Variants in CYLD observed in about 807,000 individuals in gnomAD.
The protein encoded by CYLD is ubiquitin carboxyl-terminal hydrolase CYLD.
A neutral mutation model predicts 104.5 loss-of-function variants in CYLD; 26 were observed. The ratio of observed to expected loss-of-function variants is 0.25; its 90% CI spans 0.18 to 0.35. The LOEUF (loss-of-function observed/expected upper bound fraction) is 0.35. Among genes scored for constraint, CYLD ranks in the 10% least tolerant of loss-of-function variants. The pLI is 1.00. For synonymous variants in CYLD, 385 were observed against 399.9 expected (o/e 0.96, Z 0.45); for missense variants, 703 against 1,136.1 (o/e 0.62, Z 5.48).
intron 4 of CYLD, among the ~76,000 whole-genome samples, chr16:50,753,684 A>G (rs1252405355): frequency 1.3e-5 from 2 of 152,212 alleles, no homozygotes; most frequent in Admixed American, 6.5e-5. Context: ...TGCCCAGGGC[A>G]GTTGTCTGAC....
chr16:50,755,102 TATACACAC>T (rs1349459490), intron 5 of CYLD, among the ~76,000 whole-genome samples: 11 of 119,156 alleles, frequency 9.2e-5, no homozygotes, highest in African/African-American at 4.2e-4. Flanking sequence ...TACATACATA[TATACACAC>T]ATATACACAT....
At chr16:50,787,882 G>T in intron 14 of CYLD, 30 bp downstream of exon 14, 2 of 1,263,824 alleles carry the variant, frequency 1.6e-6, no homozygotes, top group South Asian at 2.5e-5. Flanking sequence ...AGAAGCATTG[G>T]AAAAATAGAC....
At chr16:50,793,291 A>T (rs1971610669) in intron 16 of CYLD, among the ~76,000 whole-genome samples, 1 of 152,168 alleles carries the variant, frequency 6.6e-6, no homozygotes, top group Non-Finnish European at 1.5e-5. Context: ...TTGAATTTTC[A>T]TCAATGGGTA....
intron 5 of CYLD, among the ~76,000 whole-genome samples, chr16:50,769,008 C>T (rs1305123084): frequency 6.6e-6 from 1 of 152,142 alleles, no homozygotes; most frequent in African/African-American, 2.4e-5. Context: ...TTTCACTCGA[C>T]ATAATTATTT....
intron 5 of CYLD, among the ~76,000 whole-genome samples, chr16:50,765,595 G>A (rs1286554595): frequency 1.3e-5 from 2 of 152,206 alleles, no homozygotes; most frequent in Admixed American, 1.3e-4. Context: ...AGCTTAGTGA[G>A]GAAGGTATGT....
chr16:50,793,095 A>G (rs2151033887), intron 16 of CYLD, among the ~76,000 whole-genome samples: 1 of 150,816 alleles, frequency 6.6e-6, no homozygotes, highest in East Asian at 1.9e-4. Flanking sequence ...ACGTTGATAT[A>G]TTCTACAAAA....
At chr16:50,750,514 A>G (rs1712427266) in intron 3 of CYLD, among the ~76,000 whole-genome samples, 1 of 152,170 alleles carries the variant, frequency 6.6e-6, no homozygotes, top group Non-Finnish European at 1.5e-5. Context: ...CTTAAATGTC[A>G]ATTATATTTT....
chr16:50,768,432 T>C (rs1350550330), intron 5 of CYLD, among the ~76,000 whole-genome samples: 1 of 152,274 alleles, frequency 6.6e-6, no homozygotes, highest in Middle Eastern at 3.4e-3. Context: ...ACAAAATTAA[T>C]ATTTACAGCA....
intron 6 of CYLD, among the ~76,000 whole-genome samples, chr16:50,775,407 G>A (rs911417632): frequency 2.0e-5 from 3 of 152,046 alleles, no homozygotes; most frequent in African/African-American, 7.2e-5. Flanking sequence ...ATATATTATT[G>A]TTGTGTGTCT....
At chr16:50,754,178 A>C in intron 4 of CYLD, 141 bp from the exon 5 acceptor site, 1 of 675,672 alleles carries the variant, frequency 1.5e-6, no homozygotes, top group Non-Finnish European at 2.6e-6. Context: ...AACTATTCCT[A>C]ATGTATTCTT....
chr16:50,750,007 T>C lies in CYLD; in HGVS notation c.309T>C (p.Ile103=). 6.2e-7 allele frequency: 1 copy of C among 1,614,144 alleles called. No homozygotes were observed. The highest frequency in any genetic ancestry group is 8.5e-7 in the Non-Finnish European group (1 of 1,180,006). The part of the protein sequence containing the change: ...NEKFTELLLA[I]TNCEERFSLF... Reference sequence around the variant, plus strand: ...AGTTCACAGAGTTACTTTTGGCAATTACCAATTGTGAGGAGAGGTTCAGCC... The same window carrying C: ...AGTTCACAGAGTTACTTTTGGCAATCACCAATTGTGAGGAGAGGTTCAGCC... Residue 103 remains isoleucine, a synonymous_variant, in exon 3 of 19, where the codon ATT becomes ATC. Coordinates refer to ENST00000427738, the MANE Select transcript of CYLD (RefSeq NM_001378743.1).
At chr16:50,757,382 G>T (rs1967374156) in intron 5 of CYLD, among the ~76,000 whole-genome samples, 1 of 152,078 alleles carries the variant, frequency 6.6e-6, no homozygotes, top group African/African-American at 2.4e-5. Flanking sequence ...GACATACTTT[G>T]CTTTACTTGA....
In CYLD at chr16:50,796,524, A is replaced by G; in HGVS notation, c.*16A>G. On this transcript the variant is annotated 3_prime_UTR_variant, in exon 19 of 19. Transcript: ENST00000427738. ...GTACAAATAACTGGGGTCATCGGGA[A>G]AGGCAAAGAAACTGAAGGCAGAGTC... The G allele has an allele frequency of 6.2e-7, 1 of 1,611,324 alleles. No individual in the cohort carries two copies. Among genetic ancestry groups the G allele is most frequent in the Non-Finnish European group, 8.5e-7 (1 of 1,179,864 alleles).
chr16:50,789,723 T>G (rs1195992716), intron 14 of CYLD, among the ~76,000 whole-genome samples: 1 of 152,108 alleles, frequency 6.6e-6, no homozygotes, highest in African/African-American at 2.4e-5. Context: ...AATAGGAGGA[T>G]AAGTACCTTA....
intron 3 of CYLD, among the ~76,000 whole-genome samples, chr16:50,751,193 G>GT: frequency 6.6e-6 from 1 of 152,324 alleles, no homozygotes; most frequent in Non-Finnish European, 1.5e-5. Context: ...GTACAATGGT[G>GT]TTAATAGTAC....
rs886040868 is a variant in CYLD, at chr16:50,754,338, GGGAT to G, written c.831_834del (p.Asp277GlufsTer33). On this transcript the variant is annotated frameshift_variant, in exon 5 of 19. Transcript: ENST00000427738. LOFTEE classifies it high-confidence loss of function. ...TTCTAGGATAACCCTATTGGCAACT[GGGAT>G]GGAAGATTTGATGGAGTGCAGCTTT... The G allele has an allele frequency of 6.2e-7, 1 of 1,612,330 alleles. No individual in the cohort carries two copies. Among genetic ancestry groups the G allele is most frequent in the Non-Finnish European group, 8.5e-7 (1 of 1,178,642 alleles).
chr16:50,794,714 A>T lies in CYLD; in HGVS notation c.2686+286A>T, dbSNP rs922505423. The T allele has an allele frequency of 1.2e-5, 5 of 421,064 alleles. No homozygotes were observed. Among genetic ancestry groups the T allele is most frequent in the Non-Finnish European group, 2.2e-5 (5 of 224,830 alleles). 26.1% of individuals were successfully genotyped at this position (421,064 alleles called of 1,614,324 possible). A position where few individuals can be genotyped will look rare whatever the true frequency, so the allele number is the denominator to read the frequency against. On this transcript the variant is annotated intron_variant, in intron 18 of 18. Coordinates refer to ENST00000427738, the MANE Select transcript of CYLD (RefSeq NM_001378743.1). The surrounding 1 kb of genome is among the most constrained non-coding windows in gnomAD (Gnocchi z 4.1). The stretch of plus-strand genomic sequence containing the variant: ...TGGCTCATTGCAACCTCCACCTCTC[A>T]GGTTCAAGCAATCCTCCCACCTCAG...
rs908733170 is a variant in CYLD, at chr16:50,796,592, C to T, written c.*84C>T. On this transcript the variant is annotated 3_prime_UTR_variant, in exon 19 of 19. Transcript: ENST00000427738. Reference sequence around the variant, plus strand: ...TCGAGCTGGCAGTTCTGTTCACGTCCATTGCCGGCAATGGATGTCTTTGTG... The same window carrying T: ...TCGAGCTGGCAGTTCTGTTCACGTCTATTGCCGGCAATGGATGTCTTTGTG... 7.3e-7 allele frequency: 1 copy of T among 1,373,522 alleles called. No individual in the cohort carries two copies. Among genetic ancestry groups the T allele is most frequent in the Non-Finnish European group, 1.0e-6 (1 of 975,142 alleles). 85.1% of individuals were successfully genotyped at this position (1,373,522 alleles called of 1,614,324 possible).
intron 5 of CYLD, among the ~76,000 whole-genome samples, chr16:50,764,339 TC>T (rs1567434483): frequency 6.6e-6 from 1 of 152,194 alleles, no homozygotes; most frequent in African/African-American, 2.4e-5. Context: ...TGATGAAATA[TC>T]CTTTAACATT....
Sources: gnomAD v4.1 joint callset for allele counts (sites outside exome capture counted in the v4.1 genomes callset) on GRCh38, gnomAD v4.1.1 for gene constraint, Gnocchi (gnomAD v3.1) non-coding constraint, MANE v1.5 for transcripts, NCBI Gene and HGNC (gene_info 2026-07-23, HGNC 2026-07-21) for gene names.